Variants in RIOK1 observed in about 807,000 individuals in gnomAD.
RIOK1 encodes the protein RIO kinase 1.
In RIOK1, 66 loss-of-function variants were observed where a neutral mutation model predicts 73.5. The observed-to-expected ratio is 0.90, with a 90% CI of 0.74 to 1.10. The LOEUF is 1.10. Among genes scored for constraint, RIOK1 ranks in the 50% least tolerant of loss-of-function variants. The pLI is 0.00. For missense variants in RIOK1, 658 were observed against 699.8 expected (o/e 0.94, Z 0.67); for synonymous variants, 224 against 226.8 (o/e 0.99, Z 0.11).
At position 7,404,541 on chromosome 6, in the gene RIOK1, T is replaced by G. The variant is rs759192982; in HGVS notation, c.978T>G (p.Ser326Arg). Residue 326 changes from serine to arginine, a missense_variant, in exon 10 of 17, where the codon AGT becomes AGG. Coordinates refer to ENST00000379834, the MANE Select transcript of RIOK1 (RefSeq NM_031480.3). Reference sequence around the variant, plus strand: ...CCAGACTTGTCCATGCAGATCTCAGTGAATTTAACATGCTGTGAGTGTATT... The same window carrying G: ...CCAGACTTGTCCATGCAGATCTCAGGGAATTTAACATGCTGTGAGTGTATT... ...QDARLVHADLSEFNMLYHGGG... is the reference protein window; with the variant it reads ...QDARLVHADLREFNMLYHGGG... 6.2e-7 allele frequency: 1 copy of G among 1,614,098 alleles called. No individual in the cohort carries two copies. The highest frequency in any genetic ancestry group is 1.1e-5 in the South Asian group (1 of 91,082).
At chr6:7,390,154 G>A in intron 1 of RIOK1, 81 bp downstream of exon 1, 5 of 1,173,434 alleles carry the variant, frequency 4.3e-6, no homozygotes, top group Non-Finnish European at 6.1e-6. Context: ...CTTGTTTGCG[G>A]TTTAGAGGGA....
At chr6:7,400,811 A>G (rs1761593141) in intron 5 of RIOK1, 147 bp from the exon 6 acceptor site, 2 of 558,984 alleles carry the variant, frequency 3.6e-6, no homozygotes, top group Non-Finnish European at 6.3e-6. Flanking sequence ...ATTAGAGTGA[A>G]TAAAAGCACC....
chr6:7,412,712 C>CAGA (rs1188770289), intron 14 of RIOK1, among the ~76,000 whole-genome samples, 177 bp from the exon 15 acceptor site: 2 of 150,966 alleles, frequency 1.3e-5, no homozygotes, highest in Non-Finnish European at 2.9e-5. Context: ...ATCTGGTAGA[C>CAGA]AGAAATAATA....
chr6:7,417,498 C>G lies in RIOK1; in HGVS notation c.*57C>G, dbSNP rs1762038552. ...CTCAGTTCCTTTTCTCGCCTGAACT[C>G]TTAAGCTGCATCTGGAAGATGGCTT... On this transcript the variant is annotated 3_prime_UTR_variant, in exon 17 of 17. Coordinates refer to ENST00000379834, the MANE Select transcript of RIOK1 (RefSeq NM_031480.3). 1.9e-5 allele frequency: 21 copies of G among 1,078,270 alleles called. No homozygotes were observed. Among genetic ancestry groups the G allele is most frequent in the Non-Finnish European group, 2.7e-5 (20 of 750,602 alleles). 66.8% of individuals were successfully genotyped at this position (1,078,270 alleles called of 1,614,324 possible).
rs1166907838 is a variant in RIOK1, at chr6:7,417,548, G to A, written c.*107G>A. On this transcript the variant is annotated 3_prime_UTR_variant, in exon 17 of 17. Coordinates refer to ENST00000379834, the MANE Select transcript of RIOK1 (RefSeq NM_031480.3). ...TATTGGTTTTAACCAGATTGTCATC[G>A]TGGCACTGTCTGTGAAGACGGATTC... The A allele has an allele frequency of 9.3e-6, 6 of 646,518 alleles. No individual in the cohort carries two copies. Among genetic ancestry groups the A allele is most frequent in the South Asian group, 2.4e-5 (1 of 41,724 alleles). The allele number at this position is 646,518 out of a possible 1,614,324, so 40.0% of individuals were successfully genotyped here. A position where few individuals can be genotyped will look rare whatever the true frequency, so the allele number is the denominator to read the frequency against.
At chr6:7,399,321 A>G (rs1761556597) in intron 5 of RIOK1, among the ~76,000 whole-genome samples, 1 of 152,032 alleles carries the variant, frequency 6.6e-6, no homozygotes, top group African/African-American at 2.4e-5. Flanking sequence ...ACTCCTTTCC[A>G]CCACCCCCTC....
intron 2 of RIOK1, among the ~76,000 whole-genome samples, 168 bp downstream of exon 2, chr6:7,393,471 C>T (rs565385886): frequency 6.6e-6 from 1 of 152,244 alleles, no homozygotes; most frequent in South Asian, 2.1e-4. Flanking sequence ...TTCTGTATTT[C>T]TGATAATTTC....
In RIOK1 at chr6:7,390,012, C is replaced by G. The variant is rs1241877337; in HGVS notation, c.10C>G (p.Arg4Gly). MDY[R>G]RLLMSRVVPG... ...GCGGCGCTCTCCAGTCATGGACTAC[C>G]GGCGGCTTCTCATGAGCCGGGTGGT... Residue 4 changes from arginine (R) to glycine (G), a missense_variant, in exon 1 of 17, where the codon CGG becomes GGG. By Grantham distance (125) the Arg-to-Gly change is moderately radical. Coordinates refer to ENST00000379834, the MANE Select transcript of RIOK1 (RefSeq NM_031480.3). The G allele has an allele frequency of 1.9e-6, 3 of 1,553,174 alleles. No homozygotes were observed. The highest frequency in any genetic ancestry group is 1.7e-4 in the Middle Eastern group (1 of 5,980).
At chr6:7,409,660 G>A (rs1490855267) in intron 12 of RIOK1, among the ~76,000 whole-genome samples, 1 of 151,632 alleles carries the variant, frequency 6.6e-6, no homozygotes, top group Non-Finnish European at 1.5e-5. Flanking sequence ...TAGTAGAGAC[G>A]GAGTTTCCCC....
intron 6 of RIOK1, 118 bp from the exon 7 acceptor site, chr6:7,402,485 T>C (rs879430085): frequency 7.7e-6 from 5 of 645,204 alleles, no homozygotes; most frequent in African/African-American, 5.5e-5. Flanking sequence ...CAAAAGACAG[T>C]GGTATTCCTT....
chr6:7,408,410 T>C (rs1483781151), intron 12 of RIOK1, among the ~76,000 whole-genome samples: 5 of 151,266 alleles, frequency 3.3e-5, no homozygotes, highest in African/African-American at 7.4e-5. Context: ...CTGCCTTTGC[T>C]CAACTTTGCT....
At chr6:7,398,311 TAA>T (rs879516161) in intron 4 of RIOK1, among the ~76,000 whole-genome samples, 1 of 144,694 alleles carries the variant, frequency 6.9e-6, no homozygotes. Context: ...GCTGTCTCTT[TAA>T]AAAAAAAAAA....
chr6:7,410,499 A>C, intron 13 of RIOK1, 48 bp downstream of exon 13: 1 of 1,318,364 alleles, frequency 7.6e-7, no homozygotes, highest in South Asian at 1.3e-5. Flanking sequence ...TTGTGTTTTG[A>C]GGGTTTTTTT....
intron 12 of RIOK1, 128 bp from the exon 13 acceptor site, chr6:7,410,258 A>G: frequency 1.5e-6 from 1 of 662,260 alleles, no homozygotes; most frequent in South Asian, 1.8e-5. Flanking sequence ...AGACCTCACT[A>G]AATGCTTTCC....
intron 12 of RIOK1, among the ~76,000 whole-genome samples, chr6:7,406,248 C>T (rs1481772372): frequency 1.3e-5 from 2 of 152,184 alleles, no homozygotes; most frequent in Non-Finnish European, 2.9e-5. Flanking sequence ...CCACCTGCCT[C>T]AGCCTCCCAA....
chr6:7,412,384 G>A (rs985018254), intron 14 of RIOK1, among the ~76,000 whole-genome samples: 61 of 151,386 alleles, frequency 4.0e-4, no homozygotes, highest in Non-Finnish European at 5.5e-4. Flanking sequence ...GCCCAGTACG[G>A]AGGCTCACAC....
intron 6 of RIOK1, among the ~76,000 whole-genome samples, chr6:7,402,332 T>G (rs1761632099): frequency 1.3e-5 from 2 of 152,218 alleles, no homozygotes; most frequent in African/African-American, 4.8e-5. Context: ...AAATACCTGT[T>G]ATAGTCTTAC....
chr6:7,407,633 A>G (rs1761780525), intron 12 of RIOK1, among the ~76,000 whole-genome samples: 1 of 152,022 alleles, frequency 6.6e-6, no homozygotes, highest in Non-Finnish European at 1.5e-5. Context: ...CTATAGGTGC[A>G]GACCATGACA....
chr6:7,409,318 G>A (rs66793322), intron 12 of RIOK1, among the ~76,000 whole-genome samples: 66,323 of 149,422 alleles, frequency 0.44, 17,011 homozygotes, highest in Middle Eastern at 0.6. Flanking sequence ...ACAGTGGCAC[G>A]ATCTCGGCTC....
Sources: allele counts gnomAD v4.1 joint callset (sites outside exome capture counted in the v4.1 genomes callset), GRCh38; gene constraint gnomAD v4.1.1; transcripts MANE v1.5; gene names NCBI Gene and HGNC (gene_info 2026-07-23, HGNC 2026-07-21).